The following PID1 variants were observed in gnomAD, a reference collection of about 807,000 sequenced individuals.
PID1 encodes the protein phosphotyrosine interaction domain containing 1.
In PID1, 10 loss-of-function variants were observed where a neutral mutation model predicts 19.1. The observed-to-expected ratio is 0.52, with a 90% CI of 0.32 to 0.89. The LOEUF (loss-of-function observed/expected upper bound fraction) is 0.89. Ranked by LOEUF, PID1 falls within the 40% of genes least tolerant of loss-of-function variation. PID1 has a pLI of 0.03. For missense variants in PID1, 248 were observed against 285.3 expected, an observed-to-expected ratio of 0.87 and a Z score of 0.94; for synonymous variants, 130 against 116.0, an observed-to-expected ratio of 1.12 and a Z score of -0.78.
At chr2:229,259,386 T>C (rs1445066089) in intron 1 of PID1, among the ~76,000 whole-genome samples, 1 of 152,188 alleles carries the variant, frequency 6.6e-6, no homozygotes, top group African/African-American at 2.4e-5. Context: ...AATTTTTTCT[T>C]TGTTGATTGC....
intron 1 of PID1, among the ~76,000 whole-genome samples, chr2:229,246,118 G>A (rs1285604906): frequency 1.3e-5 from 2 of 152,126 alleles, no homozygotes; most frequent in Non-Finnish European, 2.9e-5. Context: ...GCTAGTTAGA[G>A]TTTAAAAAGT....
At chr2:229,144,734 C>T (rs1050222380) in intron 2 of PID1, among the ~76,000 whole-genome samples, 5 of 152,022 alleles carry the variant, frequency 3.3e-5, no homozygotes, top group Admixed American at 6.6e-5. Context: ...AAGGTAAACA[C>T]AAGAAGAAAC....
At chr2:229,040,363 T>C (rs1693747248) in intron 2 of PID1, among the ~76,000 whole-genome samples, 2 of 152,036 alleles carry the variant, frequency 1.3e-5, no homozygotes, top group Non-Finnish European at 2.9e-5. Flanking sequence ...AAAAATTGTT[T>C]TGTGTAAGCA....
chr2:229,258,266 T>C (rs1690358114), intron 1 of PID1, among the ~76,000 whole-genome samples: 1 of 152,210 alleles, frequency 6.6e-6, no homozygotes, highest in African/African-American at 2.4e-5. Flanking sequence ...TTTCCACCCT[T>C]TGGTCTGGAT....
At chr2:229,051,730 C>T (rs1694000336) in intron 2 of PID1, among the ~76,000 whole-genome samples, 1 of 152,154 alleles carries the variant, frequency 6.6e-6, no homozygotes, top group Non-Finnish European at 1.5e-5. Context: ...AATGAGGTAA[C>T]ATGCATAAAA....
rs187584307 is a variant in PID1, at chr2:229,049,505, A to C, written c.178-23397T>G. Among the ~76,000 whole-genome samples the C allele has an allele frequency of 2.2e-3, 331 of 152,316 alleles. 2 individuals are homozygous for C. Among genetic ancestry groups the C allele is most frequent in the African/African-American group, 7.6e-3 (317 of 41,578 alleles). On this transcript the variant is annotated intron_variant, in intron 2 of 2. Transcript: ENST00000392055. ...CTGAATTTATTTGAAATGCAAGGCA[A>C]TTCTAGAACATTAGAAACATACCAT...
chr2:229,112,936 G>A (rs2313822), intron 2 of PID1, among the ~76,000 whole-genome samples: 4 of 152,154 alleles, frequency 2.6e-5, no homozygotes, highest in Admixed American at 2.0e-4. Flanking sequence ...CTGTGGCTTG[G>A]AAGCTTCTCT....
chr2:229,069,241 G>C (rs1012021736), intron 2 of PID1, among the ~76,000 whole-genome samples: 6 of 149,110 alleles, frequency 4.0e-5, no homozygotes, highest in Non-Finnish European at 7.4e-5. Context: ...ATTTAAACAA[G>C]GATTATCAGG....
rs868268302 is a variant in PID1, at chr2:229,184,946, T to C, written c.31-28982A>G. 1.6e-3 allele frequency among the ~76,000 whole-genome samples: 164 copies of C among 104,380 alleles called. 1 individual carries two copies. Among genetic ancestry groups the C allele is most frequent in the African/African-American group, 5.1e-3 (151 of 29,640 alleles). 68.5% of individuals were successfully genotyped at this position (104,380 alleles called of 152,430 possible). ...ACATATGTATCCCATATATATATCC[T>C]ATATATATAAAATCCCATATATATA... On this transcript the variant is annotated intron_variant, in intron 1 of 2. Transcript: ENST00000392055.
chr2:229,042,488 C>G (rs1022548245), intron 2 of PID1, among the ~76,000 whole-genome samples: 1 of 152,150 alleles, frequency 6.6e-6, no homozygotes, highest in South Asian at 2.1e-4. Flanking sequence ...AAAATCCACC[C>G]TCTCATGCTG....
intron 2 of PID1, among the ~76,000 whole-genome samples, chr2:229,151,633 C>T (rs1690255276): frequency 1.3e-5 from 2 of 151,038 alleles, no homozygotes; most frequent in South Asian, 2.1e-4. Context: ...TGCAGTGGCA[C>T]GATCTCGGCT....
intron 1 of PID1, among the ~76,000 whole-genome samples, chr2:229,256,955 G>T (rs946841253): frequency 6.6e-6 from 1 of 152,142 alleles, no homozygotes; most frequent in Admixed American, 6.5e-5. Flanking sequence ...GCCAAGATTT[G>T]TAACTATGGG....
intron 2 of PID1, among the ~76,000 whole-genome samples, chr2:229,070,980 C>T (rs1246570347): frequency 6.6e-6 from 1 of 152,170 alleles, no homozygotes; most frequent in Non-Finnish European, 1.5e-5. Flanking sequence ...ACATGCTTCA[C>T]ATGTTTTAAT....
chr2:229,184,996 AT>A, intron 1 of PID1, among the ~76,000 whole-genome samples: 1 of 137,022 alleles, frequency 7.3e-6, no homozygotes, highest in East Asian at 2.1e-4. Context: ...TATATATCCC[AT>A]ATATATACAC....
intron 1 of PID1, among the ~76,000 whole-genome samples, chr2:229,199,342 T>C (rs1691442843): frequency 6.6e-6 from 1 of 152,160 alleles, no homozygotes; most frequent in African/African-American, 2.4e-5. Context: ...TTGATTTTAA[T>C]TTTTGTTGGT....
intron 1 of PID1, among the ~76,000 whole-genome samples, chr2:229,237,404 C>A (rs781165417): frequency 2.0e-5 from 3 of 152,166 alleles, no homozygotes; most frequent in Admixed American, 6.6e-5. Context: ...CAAGCGTATC[C>A]CCTATAAATA....
intron 1 of PID1, among the ~76,000 whole-genome samples, chr2:229,215,663 T>G (rs929338105): frequency 4.6e-5 from 7 of 152,188 alleles, no homozygotes; most frequent in African/African-American, 1.7e-4. Flanking sequence ...GGTGTAGGCT[T>G]GACTCCAAAA....
At chr2:229,037,270 C>A (rs887743454) in intron 2 of PID1, among the ~76,000 whole-genome samples, 1 of 151,818 alleles carries the variant, frequency 6.6e-6, no homozygotes, top group Admixed American at 6.6e-5. Context: ...GAAATATATA[C>A]CACGGAGGAA....
At chr2:229,140,358 G>A (rs6756475) in intron 2 of PID1, among the ~76,000 whole-genome samples, 59,946 of 151,818 alleles carry the variant, frequency 0.39, 12,020 homozygotes, top group South Asian at 0.57. Flanking sequence ...CTTCACCTGC[G>A]GGATCACTCA....
Sources: gnomAD v4.1 joint callset for allele counts (sites outside exome capture counted in the v4.1 genomes callset) on GRCh38, gnomAD v4.1.1 for gene constraint, MANE v1.5 for transcripts, NCBI Gene and HGNC (gene_info 2026-07-23, HGNC 2026-07-21) for gene names.